SLC24A3: variants seen among roughly 807,000 people sequenced by gnomAD.
SLC24A3 encodes sodium/potassium/calcium exchanger 3.
Under a neutral mutation model 75.8 loss-of-function variants are expected in SLC24A3, and 28 were observed. The ratio of observed to expected loss-of-function variants is 0.37; its 90% CI spans 0.27 to 0.51. SLC24A3 has a LOEUF of 0.51. Ranked by LOEUF, SLC24A3 falls within the 20% of genes least tolerant of loss-of-function variation. The pLI, the probability that SLC24A3 is intolerant of heterozygous loss-of-function variation, is 0.94. For missense variants in SLC24A3, 663 were observed against 847.8 expected (o/e 0.78, Z 2.71); for synonymous variants, 372 against 334.1 (o/e 1.11, Z -1.24).
chr20:19,634,599 T>C (rs759061746), intron 6 of SLC24A3, among the ~76,000 whole-genome samples: 3 of 152,112 alleles, frequency 2.0e-5, no homozygotes, highest in Non-Finnish European at 4.4e-5. Context: ...TTGATACACA[T>C]AACTTAAATG....
At chr20:19,595,013 C>T (rs575277096) in intron 6 of SLC24A3, among the ~76,000 whole-genome samples, 1 of 152,304 alleles carries the variant, frequency 6.6e-6, no homozygotes, top group African/African-American at 2.4e-5. Context: ...ACATGAGTCA[C>T]TCTCTGAGCA....
intron 2 of SLC24A3, among the ~76,000 whole-genome samples, chr20:19,440,298 G>C (rs1987275700): frequency 6.6e-6 from 1 of 152,192 alleles, no homozygotes; most frequent in East Asian, 1.9e-4. Context: ...CAAGTTAGGC[G>C]CTCTGTGGTG....
At chr20:19,552,711 GA>G (rs1225965222) in intron 3 of SLC24A3, among the ~76,000 whole-genome samples, 1 of 151,948 alleles carries the variant, frequency 6.6e-6, no homozygotes, top group Non-Finnish European at 1.5e-5. Flanking sequence ...CCTTCTTTCT[GA>G]CCCCTCTTTA....
chr20:19,393,982 A>C (rs1986407260), intron 2 of SLC24A3, among the ~76,000 whole-genome samples: 1 of 152,216 alleles, frequency 6.6e-6, no homozygotes, highest in South Asian at 2.1e-4. Flanking sequence ...CAGTGATCAA[A>C]ACAGTGTAGT....
intron 2 of SLC24A3, among the ~76,000 whole-genome samples, chr20:19,364,461 T>C (rs572936569): frequency 1.3e-4 from 20 of 151,186 alleles, no homozygotes; most frequent in Non-Finnish European, 2.6e-4. Context: ...CAGTTAACTT[T>C]TTTTTCTTTC....
intron 2 of SLC24A3, among the ~76,000 whole-genome samples, chr20:19,513,575 AG>A (rs1041073177): frequency 6.6e-6 from 1 of 152,058 alleles, no homozygotes; most frequent in African/African-American, 2.4e-5. Flanking sequence ...CATTGTTCAG[AG>A]GGGCTCTGTG....
Position 19,505,066 on chromosome 20 carries a change from G to A in SLC24A3, c.272-10422G>A, listed in dbSNP as rs1414023043. Among the ~76,000 whole-genome samples, 3 of 152,290 alleles carry A rather than the reference G, an allele frequency of 2.0e-5. No individual in the cohort carries two copies. In the East Asian group the frequency reaches 5.8e-4, roughly 29 times the overall value. Reference sequence around the variant, plus strand: ...AAATTACATTTCAGTGCTCTGCTAGGCCAATAGTCTATGTAACTAATGATT... The same window carrying A: ...AAATTACATTTCAGTGCTCTGCTAGACCAATAGTCTATGTAACTAATGATT... On this transcript the variant is annotated intron_variant, in intron 2 of 16. Coordinates refer to ENST00000328041, the MANE Select transcript of SLC24A3 (RefSeq NM_020689.4).
At chr20:19,671,344 A>C (rs114651169) in intron 8 of SLC24A3, among the ~76,000 whole-genome samples, 170 of 152,226 alleles carry the variant, frequency 1.1e-3, no homozygotes, top group African/African-American at 4.1e-3. Flanking sequence ...TTTGCAAGGA[A>C]AAAGGAAACT....
chr20:19,334,138 G>T (rs1322345100), intron 2 of SLC24A3, among the ~76,000 whole-genome samples: 2 of 152,076 alleles, frequency 1.3e-5, no homozygotes, highest in African/African-American at 4.8e-5. Context: ...TAAATGGGTG[G>T]TCGTTGTCTC....
At chr20:19,535,966 G>T (rs1485925499) in intron 3 of SLC24A3, among the ~76,000 whole-genome samples, 2 of 152,084 alleles carry the variant, frequency 1.3e-5, no homozygotes, top group East Asian at 3.9e-4. Context: ...AGATAGGGAG[G>T]CTGAACTTGT....
intron 2 of SLC24A3, among the ~76,000 whole-genome samples, chr20:19,426,537 C>T (rs1410137015): frequency 6.6e-6 from 1 of 152,176 alleles, no homozygotes; most frequent in African/African-American, 2.4e-5. Context: ...AGCCAGTGTC[C>T]TAGGGATAGG....
Position 19,286,339 on chromosome 20 carries a change from G to A in SLC24A3, c.271+5252G>A, listed in dbSNP as rs146155937. On this transcript the variant is annotated intron_variant, in intron 2 of 16. Coordinates refer to ENST00000328041, the MANE Select transcript of SLC24A3 (RefSeq NM_020689.4). ...GAGGGGAGGTTCAAGGGGTGCCTGT[G>A]GTCCATAAACAAGAACTGGAGTCCA... Among the ~76,000 whole-genome samples, 175 of 152,154 alleles carry A rather than the reference G, an allele frequency of 1.2e-3. 2 individuals carry two copies. The highest frequency in any genetic ancestry group is 8.4e-3 in the Admixed American group (128 of 15,272).
intron 2 of SLC24A3, among the ~76,000 whole-genome samples, chr20:19,375,900 T>C (rs953481279): frequency 1.3e-5 from 2 of 152,184 alleles, no homozygotes; most frequent in African/African-American, 2.4e-5. Flanking sequence ...GAATTTGCCA[T>C]GTGAGTGAGG....
At chr20:19,353,168 A>C (rs1344312961) in intron 2 of SLC24A3, among the ~76,000 whole-genome samples, 1 of 152,222 alleles carries the variant, frequency 6.6e-6, no homozygotes, top group Non-Finnish European at 1.5e-5. Context: ...CCATGAAATC[A>C]TCAAAAGATG....
chr20:19,484,622 G>A (rs1368245934), intron 2 of SLC24A3, among the ~76,000 whole-genome samples: 1 of 151,876 alleles, frequency 6.6e-6, no homozygotes, highest in Non-Finnish European at 1.5e-5. Context: ...CCACTTGGGT[G>A]AAGTCTCTAG....
chr20:19,562,038 G>A (rs1330414207), intron 3 of SLC24A3, among the ~76,000 whole-genome samples: 2 of 152,110 alleles, frequency 1.3e-5, no homozygotes, highest in African/African-American at 4.8e-5. Context: ...ATAACCTCAA[G>A]GAAATTTATT....
chr20:19,279,215 G>A (rs1245459242), intron 1 of SLC24A3, among the ~76,000 whole-genome samples: 3 of 152,230 alleles, frequency 2.0e-5, no homozygotes, highest in Non-Finnish European at 2.9e-5. Flanking sequence ...CACCGTGTTG[G>A]TGTGGCTGGG....
intron 3 of SLC24A3, among the ~76,000 whole-genome samples, chr20:19,541,932 G>A (rs1277140803): frequency 6.6e-6 from 1 of 152,148 alleles, no homozygotes. Flanking sequence ...GTGAGTAAGG[G>A]GAGCAAGGAA....
At chr20:19,322,359 TTCCTTC>T in intron 2 of SLC24A3, among the ~76,000 whole-genome samples, 1 of 44,418 alleles carries the variant, frequency 2.3e-5, no homozygotes, top group African/African-American at 2.7e-4. Context: ...CTTTCCTTCC[TTCCTTC>T]CCTTCCTTCC....
Sources: gnomAD v4.1 joint callset for allele counts (sites outside exome capture counted in the v4.1 genomes callset) on GRCh38, gnomAD v4.1.1 for gene constraint, MANE v1.5 for transcripts, NCBI Gene and HGNC (gene_info 2026-07-23, HGNC 2026-07-21) for gene names.